Variants in RBMS2 observed in about 807,000 individuals in gnomAD.
RBMS2 encodes RNA binding motif single stranded interacting protein 2, also known as RNA-binding motif, single-stranded-interacting protein 2.
In RBMS2, 38 loss-of-function variants were observed where a neutral mutation model predicts 58.4. The ratio of observed to expected loss-of-function variants is 0.65; its 90% CI spans 0.50 to 0.85. The LOEUF (loss-of-function observed/expected upper bound fraction) is 0.85, where lower values mean the gene tolerates loss of function less well. Ranked by LOEUF, RBMS2 falls within the 40% of genes least tolerant of loss-of-function variation. The pLI, the probability that RBMS2 is intolerant of heterozygous loss-of-function variation, is 0.00. For synonymous variants in RBMS2, 151 were observed against 180.7 expected (o/e 0.84, Z 1.32); for missense variants, 367 against 503.7 (o/e 0.73, Z 2.60).
chr12:56,562,621 GTA>G, intron 2 of RBMS2, 38 bp downstream of exon 2: 1 of 1,587,236 alleles, frequency 6.3e-7, no homozygotes, highest in Non-Finnish European at 8.6e-7. Context: ...TCCAGGGACA[GTA>G]TAGATTTGGT....
intron 1 of RBMS2, among the ~76,000 whole-genome samples, chr12:56,533,956 A>G (rs1289539228): frequency 2.0e-5 from 3 of 151,982 alleles, no homozygotes; most frequent in Non-Finnish European, 4.4e-5. Flanking sequence ...CTTCATTATT[A>G]TTATTCCCAT....
At position 56,569,937 on chromosome 12, in the gene RBMS2, C is replaced by A; in HGVS notation, c.331C>A (p.Gln111Lys). Residue 111 changes from glutamine to lysine, a missense_variant, in exon 4 of 14, where the codon CAG becomes AAG. By Grantham distance (53) the Gln-to-Lys change is moderately conservative. Coordinates refer to ENST00000262031, the MANE Select transcript of RBMS2 (RefSeq NM_002898.4). ...FVDFDSPSAA[Q>K]KAVTALKASG... ...AGATTTTGACAGCCCTTCAGCAGCA[C>A]AGAAAGCTGTAACAGCACTGAAGGC... 6.2e-7 allele frequency: 1 copy of A among 1,614,026 alleles called. No individual in the cohort carries two copies. Among genetic ancestry groups the A allele is most frequent in the South Asian group, 1.1e-5 (1 of 91,076 alleles).
rs917870440 is a variant in RBMS2, at chr12:56,589,967, T to G, written c.*834T>G. ...CACCCTGGGAGAAAAAACTAGACTT[T>G]GGCTTCAGAAAGCACAGATGTGACC... is the stretch of plus-strand genomic sequence containing the variant. On this transcript the variant is annotated 3_prime_UTR_variant, in exon 14 of 14. Coordinates refer to ENST00000262031, the MANE Select transcript of RBMS2 (RefSeq NM_002898.4). 6.6e-6 allele frequency: 1 copy of G among 152,318 alleles called. No homozygotes were observed. Among genetic ancestry groups the G allele is most frequent in the African/African-American group, 2.4e-5 (1 of 41,432 alleles). 9.4% of individuals were successfully genotyped at this position (152,318 alleles called of 1,614,324 possible).
intron 10 of RBMS2, 144 bp from the exon 11 acceptor site, chr12:56,587,410 G>C: frequency 1.3e-6 from 1 of 764,342 alleles, no homozygotes; most frequent in East Asian, 2.8e-5. Context: ...TCCTATTCTT[G>C]TTGCATAGTT....
intron 1 of RBMS2, among the ~76,000 whole-genome samples, chr12:56,536,752 G>A (rs1874949427): frequency 6.6e-6 from 1 of 150,934 alleles, no homozygotes; most frequent in Non-Finnish European, 1.5e-5. Flanking sequence ...TATTTTCAGT[G>A]GAGACGGGGT....
chr12:56,561,112 C>T (rs1345680845), intron 1 of RBMS2, among the ~76,000 whole-genome samples: 1 of 152,170 alleles, frequency 6.6e-6, no homozygotes, highest in Non-Finnish European at 1.5e-5. Flanking sequence ...TTCTTTATGG[C>T]TCCGTAGTAT....
intron 1 of RBMS2, among the ~76,000 whole-genome samples, chr12:56,559,141 C>CA (rs1419468355): frequency 2.0e-5 from 3 of 152,120 alleles, no homozygotes; most frequent in Non-Finnish European, 4.4e-5. Flanking sequence ...TTTGTTTTCT[C>CA]AGCTAAGGAT....
intron 5 of RBMS2, among the ~76,000 whole-genome samples, chr12:56,577,919 C>G (rs1883376165): frequency 6.6e-6 from 1 of 150,958 alleles, no homozygotes; most frequent in South Asian, 2.1e-4. Flanking sequence ...CTGAGCTGAG[C>G]TCAGGCAATC....
At position 56,562,528 on chromosome 12, in the gene RBMS2, A is replaced by G; in HGVS notation, c.178A>G (p.Ile60Val). 1.2e-6 allele frequency: 2 copies of G among 1,612,594 alleles called. No homozygotes were observed. Among genetic ancestry groups the G allele is most frequent in the Non-Finnish European group, 1.7e-6 (2 of 1,178,564 alleles). ...NDQLSKTNLYIRGLQPGTTDQ... is the reference protein window; with the variant it reads ...NDQLSKTNLYVRGLQPGTTDQ... The stretch of plus-strand genomic sequence containing the variant: ...CCAGCTGAGCAAAACCAACCTATAC[A>G]TCCGAGGATTGCAACCAGGCACTAC... The change falls in exon 2 of 14, where the codon ATC becomes GTC. Residue 60 changes from isoleucine (I) to valine (V), a missense_variant. Transcript: ENST00000262031.
Position 56,593,548 on chromosome 12 carries a change from ATTTT to A in RBMS2, c.*4417_*4420del, listed in dbSNP as rs1166588725. ...CACACCTGGCCTTTTCAGTTTTTTT[ATTTT>A]TATTTTTTCTTTGAGACGGAGTCTC... On this transcript the variant is annotated 3_prime_UTR_variant, in exon 14 of 14. Coordinates refer to ENST00000262031, the MANE Select transcript of RBMS2 (RefSeq NM_002898.4). The A allele has an allele frequency of 1.5e-5, 2 of 130,290 alleles. No individual in the cohort carries two copies. The highest frequency in any genetic ancestry group is 3.3e-5 in the Non-Finnish European group (2 of 60,714). 8.1% of individuals were successfully genotyped at this position (130,290 alleles called of 1,614,324 possible).
intron 2 of RBMS2, among the ~76,000 whole-genome samples, chr12:56,566,704 G>A (rs1303478358): frequency 6.6e-6 from 1 of 152,142 alleles, no homozygotes; most frequent in Non-Finnish European, 1.5e-5. Flanking sequence ...TGTAATCCCA[G>A]CTACTCCAGA....
At chr12:56,557,417 C>T (rs1367601319) in intron 1 of RBMS2, among the ~76,000 whole-genome samples, 2 of 151,946 alleles carry the variant, frequency 1.3e-5, no homozygotes, top group Non-Finnish European at 2.9e-5. Context: ...ACCTATGCAG[C>T]AATTTCAGAA....
At chr12:56,570,233 G>C (rs1201402828) in intron 4 of RBMS2, among the ~76,000 whole-genome samples, 3 of 152,244 alleles carry the variant, frequency 2.0e-5, no homozygotes, top group African/African-American at 7.2e-5. Flanking sequence ...GAAAGGTAAG[G>C]TGGCCTCTTC....
intron 5 of RBMS2, among the ~76,000 whole-genome samples, chr12:56,579,373 G>A (rs979642823): frequency 6.6e-6 from 1 of 152,140 alleles, no homozygotes; most frequent in African/African-American, 2.4e-5. Flanking sequence ...ACTCATGCCT[G>A]TAATCCCAGC....
intron 1 of RBMS2, among the ~76,000 whole-genome samples, chr12:56,549,918 C>G (rs760539720): frequency 1.3e-5 from 2 of 151,922 alleles, no homozygotes; most frequent in Non-Finnish European, 2.9e-5. Context: ...CCCAGTTACT[C>G]AGAAGGCTGA....
intron 4 of RBMS2, among the ~76,000 whole-genome samples, chr12:56,570,863 C>T (rs560921812): frequency 6.6e-6 from 1 of 152,308 alleles, no homozygotes; most frequent in Admixed American, 6.5e-5. Flanking sequence ...AGGCATGAGC[C>T]ACCACGCCTG....
Position 56,562,317 on chromosome 12 carries a change from A to G in RBMS2, c.67-100A>G, listed in dbSNP as rs572957362. On this transcript the variant is annotated intron_variant, in intron 1 of 13. Transcript: ENST00000262031. Reference sequence around the variant, plus strand: ...CAAGTGAGTGCACATTTGTGATTATATATAGTTTGGAATCATTTTTTCAAG... The same window carrying G: ...CAAGTGAGTGCACATTTGTGATTATGTATAGTTTGGAATCATTTTTTCAAG... The G allele has an allele frequency of 4.4e-6, 5 of 1,144,528 alleles. No homozygotes were observed. In the South Asian group the frequency reaches 4.4e-5, roughly 10 times the overall value. 70.9% of individuals were successfully genotyped at this position (1,144,528 alleles called of 1,614,324 possible).
intron 12 of RBMS2, 94 bp from the exon 13 acceptor site, chr12:56,588,838 G>A (rs1244382574): frequency 3.0e-5 from 35 of 1,178,136 alleles, no homozygotes; most frequent in Non-Finnish European, 4.3e-5. Context: ...GGTTTGGGAG[G>A]GCACTCGATG....
At chr12:56,588,528 C>A in intron 12 of RBMS2, 154 bp downstream of exon 12, 2 of 682,766 alleles carry the variant, frequency 2.9e-6, no homozygotes, top group African/African-American at 1.8e-5. Flanking sequence ...GTGCTCGCTT[C>A]GGCAGCATGC....
Sources: allele counts gnomAD v4.1 joint callset (sites outside exome capture counted in the v4.1 genomes callset), GRCh38; gene constraint gnomAD v4.1.1; transcripts MANE v1.5; gene names NCBI Gene and HGNC (gene_info 2026-07-23, HGNC 2026-07-21).